Variants in KSR1 observed in about 807,000 individuals in gnomAD.
KSR1 encodes the protein kinase suppressor of ras 1.
A neutral mutation model predicts 92.9 loss-of-function variants in KSR1; 35 were observed. That is an observed-to-expected ratio of 0.38 (90% confidence interval 0.29 to 0.50). The LOEUF is 0.50. KSR1 is among the 20% of genes least tolerant of loss of function. The pLI, the probability that KSR1 is intolerant of heterozygous loss-of-function variation, is 0.94. For missense variants in KSR1, 972 were observed against 1,158.5 expected (o/e 0.84, Z 2.34); for synonymous variants, 467 against 472.6 (o/e 0.99, Z 0.15).
intron 1 of KSR1, among the ~76,000 whole-genome samples, chr17:27,516,357 A>G (rs958529075): frequency 1.3e-5 from 2 of 152,196 alleles, no homozygotes; most frequent in Non-Finnish European, 2.9e-5. Context: ...ACAGATTAAC[A>G]CTGATGTGGG....
At chr17:27,530,296 T>C (rs1238830718) in intron 1 of KSR1, among the ~76,000 whole-genome samples, 1 of 151,826 alleles carries the variant, frequency 6.6e-6, no homozygotes, top group East Asian at 1.9e-4. Context: ...AATACAAAAA[T>C]TAGTTGGGTG....
intron 1 of KSR1, among the ~76,000 whole-genome samples, chr17:27,494,993 G>A (rs2068938171): frequency 6.6e-6 from 1 of 152,206 alleles, no homozygotes; most frequent in African/African-American, 2.4e-5. Flanking sequence ...AGGGGCTCCC[G>A]GGCAGTGCGG....
At chr17:27,561,480 T>C (rs2071825524) in intron 2 of KSR1, among the ~76,000 whole-genome samples, 1 of 152,228 alleles carries the variant, frequency 6.6e-6, no homozygotes, top group South Asian at 2.1e-4. Context: ...TTACAGCTAG[T>C]GTGATGCACA....
Position 27,593,639 on chromosome 17 carries a change from A to G in KSR1, c.1299+1013A>G, listed in dbSNP as rs113130560. Among the ~76,000 whole-genome samples the G allele has an allele frequency of 5.0e-3, 763 of 152,336 alleles. 2 individuals carry two copies. Among genetic ancestry groups the G allele is most frequent in the African/African-American group, 0.017 (710 of 41,562 alleles). ...GCTGCCCCAGGCCTGACAGTCTGCC[A>G]TGGGCCTGCACCTGTCCTCTCTCCT... On this transcript the variant is annotated intron_variant, in intron 9 of 20. Transcript: ENST00000644974.
chr17:27,500,646 G>A (rs546439784), intron 1 of KSR1, among the ~76,000 whole-genome samples: 14 of 152,296 alleles, frequency 9.2e-5, no homozygotes, highest in African/African-American at 1.9e-4. Flanking sequence ...TAAAAGTAGC[G>A]TTACGACAAC....
intron 2 of KSR1, among the ~76,000 whole-genome samples, chr17:27,551,875 C>T (rs1203718265): frequency 2.6e-5 from 4 of 152,234 alleles, no homozygotes; most frequent in African/African-American, 9.6e-5. Context: ...ACCCAGCAGC[C>T]AGGGTGCTCA....
intron 1 of KSR1, among the ~76,000 whole-genome samples, chr17:27,511,154 G>A (rs1248743698): frequency 1.3e-5 from 2 of 152,208 alleles, no homozygotes; most frequent in Admixed American, 1.3e-4. Flanking sequence ...GGAGTTTCCT[G>A]GCTAGAGATT....
intron 1 of KSR1, among the ~76,000 whole-genome samples, chr17:27,542,348 A>G (rs1359763901): frequency 1.3e-5 from 2 of 152,206 alleles, no homozygotes; most frequent in Non-Finnish European, 2.9e-5. Flanking sequence ...TTACTCATTT[A>G]TATGTTAACA....
chr17:27,496,761 G>T (rs555329377), intron 1 of KSR1, among the ~76,000 whole-genome samples: 2 of 152,310 alleles, frequency 1.3e-5, no homozygotes, highest in African/African-American at 4.8e-5. Context: ...CCTGCCAAAC[G>T]CAGGGCCTCT....
chr17:27,579,878 C>CAAAAAAAAAAAAAAAAAAAAAAAAA (rs71160198), intron 3 of KSR1: 3 of 29,614 alleles, frequency 1.0e-4, no homozygotes, highest in African/African-American at 2.4e-4. Context: ...GCTGTCTCAC[C>CAAAAAAAAAAAAAAAAAAAAAAAAA]AAAAAAAAAA....
At chr17:27,507,094 A>G (rs1371377438) in intron 1 of KSR1, among the ~76,000 whole-genome samples, 1 of 152,206 alleles carries the variant, frequency 6.6e-6, no homozygotes, top group Non-Finnish European at 1.5e-5. Flanking sequence ...TGTGCAGTGT[A>G]AAAATGCTTG....
chr17:27,562,198 G>GA (rs1228827847), intron 2 of KSR1, among the ~76,000 whole-genome samples: 1 of 152,206 alleles, frequency 6.6e-6, no homozygotes, highest in African/African-American at 2.4e-5. Context: ...CCAGTCCAGT[G>GA]AAAACTGACT....
intron 2 of KSR1, among the ~76,000 whole-genome samples, chr17:27,561,993 A>G (rs571232913): frequency 1.3e-5 from 2 of 152,110 alleles, no homozygotes; most frequent in Non-Finnish European, 2.9e-5. Context: ...CCACAGGAAC[A>G]TGCCACCACA....
intron 1 of KSR1, among the ~76,000 whole-genome samples, chr17:27,545,003 C>T (rs2151075562): frequency 6.6e-6 from 1 of 152,366 alleles, no homozygotes; most frequent in African/African-American, 2.4e-5. Context: ...TGTTTCTTAA[C>T]AAGTTCTGGG....
chr17:27,611,473 G>A (rs2073915098), intron 17 of KSR1, 21 bp from the exon 18 acceptor site: 1 of 1,613,650 alleles, frequency 6.2e-7, no homozygotes, highest in Admixed American at 1.7e-5. Flanking sequence ...GGAGCTCACA[G>A]ACATGGCTGG....
chr17:27,565,530 T>A (rs1176901006), intron 2 of KSR1, among the ~76,000 whole-genome samples: 1 of 152,188 alleles, frequency 6.6e-6, no homozygotes, highest in Non-Finnish European at 1.5e-5. Context: ...CCTCAAGCAA[T>A]CCCCCTACCT....
intron 1 of KSR1, among the ~76,000 whole-genome samples, chr17:27,505,024 T>G (rs2069326239): frequency 6.6e-6 from 1 of 152,182 alleles, no homozygotes; most frequent in South Asian, 2.1e-4. Flanking sequence ...CAGGGAAAGA[T>G]GCCCTTATGG....
At chr17:27,480,507 C>T (rs937388102) in intron 1 of KSR1, among the ~76,000 whole-genome samples, 4 of 152,150 alleles carry the variant, frequency 2.6e-5, no homozygotes, top group Non-Finnish European at 5.9e-5. Context: ...AAGTGATTCT[C>T]CTGCCTTAGC....
chr17:27,526,558 T>C, intron 1 of KSR1: 2 of 1,600,992 alleles, frequency 1.2e-6, no homozygotes, highest in Non-Finnish European at 1.7e-6. Context: ...TTGGCCACAA[T>C]GCACCTCATT....
Sources: gnomAD v4.1 joint callset for allele counts (sites outside exome capture counted in the v4.1 genomes callset) on GRCh38, gnomAD v4.1.1 for gene constraint, MANE v1.5 for transcripts, NCBI Gene and HGNC (gene_info 2026-07-23, HGNC 2026-07-21) for gene names.